YBX3: variants seen among roughly 807,000 people sequenced by gnomAD.
YBX3 encodes the protein Y-box-binding protein 3.
A neutral mutation model predicts 42.4 loss-of-function variants in YBX3; 29 were observed. The ratio of observed to expected loss-of-function variants is 0.68; its 90% CI spans 0.51 to 0.93. YBX3 has a LOEUF of 0.93. Ranked by LOEUF, YBX3 falls within the 40% of genes least tolerant of loss-of-function variation. The pLI, the probability that YBX3 is intolerant of heterozygous loss-of-function variation, is 0.00. For synonymous variants in YBX3, 195 were observed against 189.8 expected, an observed-to-expected ratio of 1.03 and a Z score of -0.22; for missense variants, 517 against 527.5, an observed-to-expected ratio of 0.98 and a Z score of 0.19.
chr12:10,715,962 T>C, intron 3 of YBX3, 179 bp from the exon 4 acceptor site: 2 of 580,038 alleles, frequency 3.4e-6, no homozygotes, highest in Admixed American at 3.0e-5. Context: ...TAAAACTATA[T>C]TCCACATTAC....
At chr12:10,710,612 G>A (rs961516443) in intron 5 of YBX3, 16 of 1,249,244 alleles carry the variant, frequency 1.3e-5, no homozygotes, top group African/African-American at 9.3e-5. Flanking sequence ...GGGGGTCAGC[G>A]AGGTCAAACT....
At chr12:10,722,064 T>C (rs1202095935) in intron 1 of YBX3, 1 of 152,272 alleles carries the variant, frequency 6.6e-6, no homozygotes, top group Non-Finnish European at 1.5e-5. Flanking sequence ...ACTAACGTCA[T>C]ACCCCCACTT....
At chr12:10,714,751 G>C (rs948464615) in intron 4 of YBX3, among the ~76,000 whole-genome samples, 1 of 151,204 alleles carries the variant, frequency 6.6e-6, no homozygotes, top group Non-Finnish European at 1.5e-5. Context: ...CCCCAAAGCA[G>C]TTTTTCTTTT....
chr12:10,702,263 G>A (rs1015746356), intron 7 of YBX3, 129 bp from the exon 8 acceptor site: 2 of 896,698 alleles, frequency 2.2e-6, no homozygotes, highest in Non-Finnish European at 3.2e-6. Context: ...GCTCACCCCT[G>A]TAATCCCAGC....
At chr12:10,708,766 C>T (rs1347294086) in intron 6 of YBX3, among the ~76,000 whole-genome samples, 1 of 152,172 alleles carries the variant, frequency 6.6e-6, no homozygotes, top group Non-Finnish European at 1.5e-5. Context: ...TCTGAAACTT[C>T]AATTCCTAAG....
At position 10,710,532 on chromosome 12, in the gene YBX3, A is replaced by G; in HGVS notation, c.574-418T>C. ...AAGAATACATTTTATGATGTTACCA[A>G]CATATTTGACCCAAGTGGTATTCTT... is the stretch of plus-strand genomic sequence containing the variant. On this transcript the variant is annotated intron_variant, in intron 5 of 9. Coordinates refer to ENST00000228251, the MANE Select transcript of YBX3 (RefSeq NM_003651.5). The G allele has an allele frequency of 1.7e-6, 2 of 1,179,158 alleles. 1 individual carries two copies. Among genetic ancestry groups the G allele is most frequent in the South Asian group, 3.2e-5 (2 of 61,870 alleles). 73.0% of individuals were successfully genotyped at this position (1,179,158 alleles called of 1,614,324 possible). A position where few individuals can be genotyped will look rare whatever the true frequency, so the allele number is the denominator to read the frequency against.
intron 6 of YBX3, among the ~76,000 whole-genome samples, chr12:10,708,477 A>G (rs1948162131): frequency 1.3e-5 from 2 of 152,246 alleles, no homozygotes; most frequent in Non-Finnish European, 2.9e-5. Context: ...TAGCTTAGTT[A>G]TATGGATGAG....
At chr12:10,714,763 T>C (rs1321993200) in intron 4 of YBX3, among the ~76,000 whole-genome samples, 3 of 143,600 alleles carry the variant, frequency 2.1e-5, no homozygotes, top group African/African-American at 7.7e-5. Context: ...TTTTCTTTTC[T>C]TTTTTTTTTT....
At chr12:10,708,914 T>G (rs1019477278) in intron 6 of YBX3, among the ~76,000 whole-genome samples, 1 of 152,222 alleles carries the variant, frequency 6.6e-6, no homozygotes, top group Non-Finnish European at 1.5e-5. Flanking sequence ...TAAGTGCATA[T>G]TACAATCTCA....
At chr12:10,701,841 A>G in intron 8 of YBX3, 119 bp downstream of exon 8, 1 of 1,231,964 alleles carries the variant, frequency 8.1e-7, no homozygotes, top group Non-Finnish European at 1.1e-6. Context: ...GATCTTGAGC[A>G]AAATGTTTTT....
At chr12:10,722,793 G>T in intron 1 of YBX3, 57 bp downstream of exon 1, 1 of 1,338,772 alleles carries the variant, frequency 7.5e-7, no homozygotes, top group Non-Finnish European at 9.6e-7. Flanking sequence ...CACGTGCTCC[G>T]CGGCCGGCTG....
intron 6 of YBX3, 21 bp from the exon 7 acceptor site, chr12:10,704,169 G>T: frequency 6.3e-7 from 1 of 1,598,738 alleles, no homozygotes; most frequent in Non-Finnish European, 8.6e-7. Flanking sequence ...AATGAGAGCT[G>T]ACAGTGAGTG....
chr12:10,708,073 C>T (rs1242835500), intron 6 of YBX3, among the ~76,000 whole-genome samples: 1 of 152,170 alleles, frequency 6.6e-6, no homozygotes, highest in Non-Finnish European at 1.5e-5. Context: ...CTAGAGACAA[C>T]TAAAGTAAGA....
chr12:10,713,441 T>A, intron 4 of YBX3, 108 bp from the exon 5 acceptor site: 1 of 1,312,192 alleles, frequency 7.6e-7, no homozygotes, highest in Non-Finnish European at 1.0e-6. Flanking sequence ...TACTAAGAAT[T>A]CCCACTGTGA....
chr12:10,700,454 T>A (rs1291482127), intron 9 of YBX3, among the ~76,000 whole-genome samples: 1 of 151,768 alleles, frequency 6.6e-6, no homozygotes, highest in Non-Finnish European at 1.5e-5. Flanking sequence ...GTTAAAAGGG[T>A]TATAGGTTAA....
At chr12:10,701,066 T>A (rs1948072612) in intron 9 of YBX3, among the ~76,000 whole-genome samples, 188 bp downstream of exon 9, 1 of 152,164 alleles carries the variant, frequency 6.6e-6, no homozygotes, top group African/African-American at 2.4e-5. Flanking sequence ...CACCAAAGCT[T>A]ATCAAAATGA....
At chr12:10,714,263 T>C (rs1027013408) in intron 4 of YBX3, among the ~76,000 whole-genome samples, 1 of 152,236 alleles carries the variant, frequency 6.6e-6, no homozygotes, top group Non-Finnish European at 1.5e-5. Flanking sequence ...ACATGACCTA[T>C]GGAATGGTAT....
intron 5 of YBX3, 157 bp from the exon 6 acceptor site, chr12:10,710,271 T>C: frequency 6.6e-7 from 1 of 1,509,196 alleles, no homozygotes; most frequent in South Asian, 1.3e-5. Context: ...GATTATCATG[T>C]GATTGCCTGG....
chr12:10,714,372 T>C (rs1393622821), intron 4 of YBX3, among the ~76,000 whole-genome samples: 2 of 152,210 alleles, frequency 1.3e-5, no homozygotes, highest in Non-Finnish European at 2.9e-5. Flanking sequence ...TTGTGCTATA[T>C]GTAGTTTTAG....
Sources: gnomAD v4.1 joint callset for allele counts (sites outside exome capture counted in the v4.1 genomes callset) on GRCh38, gnomAD v4.1.1 for gene constraint, MANE v1.5 for transcripts, NCBI Gene and HGNC (gene_info 2026-07-23, HGNC 2026-07-21) for gene names.